Variants in CFAP61 observed in about 807,000 individuals in gnomAD.
CFAP61 encodes cilia and flagella associated protein 61, also known as cilia- and flagella-associated protein 61.
CFAP61 carries 107 observed loss-of-function variants against 135.6 expected under a neutral mutation model. The observed-to-expected ratio is 0.79, with a 90% confidence interval of 0.67 to 0.93. The LOEUF (loss-of-function observed/expected upper bound fraction) is 0.93. Among genes scored for constraint, CFAP61 ranks in the 40% least tolerant of loss-of-function variants. The pLI, the probability that CFAP61 is intolerant of heterozygous loss-of-function variation, is 0.00. For synonymous variants in CFAP61, 575 were observed against 578.5 expected, an observed-to-expected ratio of 0.99 and a Z score of 0.09; for missense variants, 1,507 against 1,556.2, an observed-to-expected ratio of 0.97 and a Z score of 0.53.
intron 24 of CFAP61, among the ~76,000 whole-genome samples, chr20:20,296,302 C>G (rs1294340588): frequency 1.2e-5 from 1 of 85,812 alleles, no homozygotes; most frequent in African/African-American, 5.9e-5. Flanking sequence ...TCCTTCCCTT[C>G]CTTCCTTCCT....
At chr20:20,170,600 A>G (rs1005382581) in intron 13 of CFAP61, among the ~76,000 whole-genome samples, 3 of 152,340 alleles carry the variant, frequency 2.0e-5, no homozygotes, top group South Asian at 2.1e-4. Context: ...TTAGACCTCA[A>G]TAAAGTTGAT....
Position 20,191,384 on chromosome 20 carries a change from C to A in CFAP61, c.1555C>A (p.Gln519Lys), listed in dbSNP as rs1290426835. ...LQAFVAEVAE[Q>K]IVGIAVIRNE... is the part of the protein sequence containing the mutation. ...GGCATTTGTAGCTGAAGTTGCAGAA[C>A]AAATAGTTGGTATTGCAGTGATCAG... The change falls in exon 15 of 27, where the codon CAA becomes AAA. Residue 519 changes from glutamine (Q) to lysine (K), a missense_variant. Gln to Lys is a moderately conservative substitution (Grantham distance 53). Transcript: ENST00000245957. 1.2e-6 allele frequency: 2 copies of A among 1,612,976 alleles called. No individual in the cohort carries two copies. Among genetic ancestry groups the A allele is most frequent in the Non-Finnish European group, 1.7e-6 (2 of 1,179,298 alleles).
chr20:20,119,570 A>G (rs143409787), intron 8 of CFAP61, among the ~76,000 whole-genome samples: 360 of 151,978 alleles, frequency 2.4e-3, no homozygotes, highest in African/African-American at 7.6e-3. Context: ...CATTTTGTCT[A>G]TCTTCTATAT....
intron 24 of CFAP61, among the ~76,000 whole-genome samples, chr20:20,294,691 G>A (rs996070629): frequency 2.0e-5 from 3 of 152,116 alleles, no homozygotes; most frequent in Non-Finnish European, 4.4e-5. Flanking sequence ...CACTTTGGGA[G>A]GCCGAGGCGG....
intron 21 of CFAP61, among the ~76,000 whole-genome samples, chr20:20,266,297 G>A (rs2052737966): frequency 2.0e-5 from 3 of 152,176 alleles, no homozygotes; most frequent in Non-Finnish European, 2.9e-5. Context: ...AGAAAGCCTA[G>A]TGATCTTTCC....
Position 20,326,454 on chromosome 20 carries a change from A to G in CFAP61, c.3423-15377A>G, listed in dbSNP as rs73289213. Among the ~76,000 whole-genome samples, 448 of 152,260 alleles carry G rather than the reference A, an allele frequency of 2.9e-3. 3 individuals carry two copies. Among genetic ancestry groups the G allele is most frequent in the African/African-American group, 0.01 (420 of 41,540 alleles). On this transcript the variant is annotated intron_variant, in intron 25 of 26. Transcript: ENST00000245957. ...GTAAAATATGCTCCTATTTTCTTCTATCACTTTCGTAGCTTTGTTTTACAT... is the reference window on the plus strand; with the variant it reads ...GTAAAATATGCTCCTATTTTCTTCTGTCACTTTCGTAGCTTTGTTTTACAT...
intron 21 of CFAP61, among the ~76,000 whole-genome samples, chr20:20,268,615 A>G (rs1164112055): frequency 3.3e-5 from 5 of 152,186 alleles, no homozygotes; most frequent in Non-Finnish European, 7.4e-5. Context: ...ACCCTAAACT[A>G]TTAGAACTGC....
chr20:20,150,081 T>A (rs1389586014), intron 9 of CFAP61, among the ~76,000 whole-genome samples: 1 of 151,776 alleles, frequency 6.6e-6, no homozygotes, highest in East Asian at 1.9e-4. Flanking sequence ...TCCATGGGAG[T>A]GGGGTGAAAC....
intron 6 of CFAP61, among the ~76,000 whole-genome samples, chr20:20,090,583 G>T (rs13044836): frequency 1.3e-5 from 2 of 150,928 alleles, no homozygotes; most frequent in Admixed American, 6.6e-5. Context: ...CCACCTACTC[G>T]GGAGGCTGAG....
At chr20:20,347,580 C>T (rs1404473462) in intron 26 of CFAP61, among the ~76,000 whole-genome samples, 3 of 152,118 alleles carry the variant, frequency 2.0e-5, no homozygotes, top group African/African-American at 4.8e-5. Context: ...TGAGAAAATG[C>T]CATGAATAAT....
intron 25 of CFAP61, among the ~76,000 whole-genome samples, chr20:20,329,030 T>A (rs550530662): frequency 4.1e-4 from 62 of 152,284 alleles, no homozygotes; most frequent in South Asian, 2.3e-3. Context: ...ACACGCCAGG[T>A]TCCTGGTGGT....
chr20:20,105,093 G>C lies in CFAP61; in HGVS notation c.859+6279G>C, dbSNP rs6046626. Among the ~76,000 whole-genome samples, 88 of 152,188 alleles carry C rather than the reference G, an allele frequency of 5.8e-4. 1 individual carries two copies. The highest frequency in any genetic ancestry group is 2.0e-3 in the African/African-American group (84 of 41,502). On this transcript the variant is annotated intron_variant, in intron 8 of 26. Transcript: ENST00000245957. ...ACTGCCTTCCTCTGGTCCCTAATAG[G>C]GGGGCGGTATGTGTTCAGGGTGGGG...
chr20:20,171,107 A>G (rs1238009965), intron 13 of CFAP61, among the ~76,000 whole-genome samples: 1 of 152,184 alleles, frequency 6.6e-6, no homozygotes, highest in Non-Finnish European at 1.5e-5. Context: ...TACAGAGCCA[A>G]CTCATGACCA....
chr20:20,109,655 C>T (rs1413463754), intron 8 of CFAP61, among the ~76,000 whole-genome samples: 4 of 152,184 alleles, frequency 2.6e-5, no homozygotes, highest in Non-Finnish European at 5.9e-5. Flanking sequence ...AAAGCTTTAC[C>T]TACAATTTAT....
intron 21 of CFAP61, chr20:20,265,500 T>C (rs1054323953): frequency 1.3e-6 from 1 of 779,514 alleles, no homozygotes; most frequent in East Asian, 2.4e-5. Flanking sequence ...AAGGGAAATG[T>C]TTTTTCAAGA....
rs377257054 is a variant in CFAP61, at chr20:20,069,548, G to A, written c.144-1306G>A. Among the ~76,000 whole-genome samples the A allele has an allele frequency of 3.9e-5, 6 of 152,294 alleles. No homozygotes were observed. In the East Asian group the frequency reaches 1.2e-3, roughly 29 times the overall value. ...TCCACCTTGGCCTCCCAAAATGTGG[G>A]ATTACAGGTGTGAGCCACCGTTCCC... On this transcript the variant is annotated intron_variant, in intron 2 of 26. Transcript: ENST00000245957.
chr20:20,135,696 C>G (rs1181585289), intron 8 of CFAP61, among the ~76,000 whole-genome samples: 2 of 152,146 alleles, frequency 1.3e-5, no homozygotes, highest in South Asian at 4.1e-4. Flanking sequence ...CTATTTATAT[C>G]TTACTGTACT....
intron 6 of CFAP61, among the ~76,000 whole-genome samples, chr20:20,076,336 A>G (rs912514010): frequency 5.3e-5 from 8 of 152,214 alleles, no homozygotes; most frequent in African/African-American, 1.9e-4. Context: ...TGGAGAAGCC[A>G]CATGTTCGCA....
chr20:20,286,294 C>T (rs1318997420), intron 22 of CFAP61, among the ~76,000 whole-genome samples: 3 of 152,218 alleles, frequency 2.0e-5, no homozygotes, highest in Non-Finnish European at 4.4e-5. Flanking sequence ...AGCAGGTGGT[C>T]CAGCCTCCAG....
Sources: gnomAD v4.1 joint callset for allele counts (sites outside exome capture counted in the v4.1 genomes callset) on GRCh38, gnomAD v4.1.1 for gene constraint, MANE v1.5 for transcripts, NCBI Gene and HGNC (gene_info 2026-07-23, HGNC 2026-07-21) for gene names.